Variants in RBFOX1 observed in about 807,000 individuals in gnomAD.
The protein encoded by RBFOX1 is RNA binding fox-1 homolog 1.
RBFOX1 carries 8 observed loss-of-function variants against 57.7 expected under a neutral mutation model. The observed-to-expected ratio is 0.14, with a 90% CI of 0.08 to 0.25. RBFOX1 has a LOEUF of 0.25. Among genes scored for constraint, RBFOX1 ranks in the 10% least tolerant of loss-of-function variants. The probability of loss-of-function intolerance (pLI) is 1.00; values close to 1 mark genes in which losing one functional copy is unlikely to be tolerated. For missense variants in RBFOX1, 611 were observed against 548.5 expected, an observed-to-expected ratio of 1.11 and a Z score of -1.14; for synonymous variants, 326 against 222.4, an observed-to-expected ratio of 1.47 and a Z score of -4.15.
intron 1 of RBFOX1, among the ~76,000 whole-genome samples, chr16:5,386,195 G>C (rs1211976010): frequency 2.0e-5 from 3 of 151,760 alleles, no homozygotes; most frequent in Admixed American, 2.0e-4. Context: ...AAGAAAATAG[G>C]AACTAAAATT....
At chr16:5,434,685 T>C (rs1226671981) in intron 1 of RBFOX1, among the ~76,000 whole-genome samples, 1 of 152,224 alleles carries the variant, frequency 6.6e-6, no homozygotes, top group East Asian at 1.9e-4. Context: ...GTTATCTGTT[T>C]AAAATCCTGC....
intron 3 of RBFOX1, among the ~76,000 whole-genome samples, chr16:6,700,997 A>T (rs1199424608): frequency 6.6e-6 from 1 of 151,826 alleles, no homozygotes; most frequent in Admixed American, 6.6e-5. Flanking sequence ...AGGGATCCAT[A>T]CCAGTAAAAG....
chr16:7,566,405 G>T (rs1305717302), intron 5 of RBFOX1, among the ~76,000 whole-genome samples: 1 of 152,042 alleles, frequency 6.6e-6, no homozygotes, highest in Non-Finnish European at 1.5e-5. Context: ...GCTGCTCTAC[G>T]TGCCTGCTCT....
At chr16:6,978,310 T>C (rs901931333) in intron 3 of RBFOX1, among the ~76,000 whole-genome samples, 18 of 152,232 alleles carry the variant, frequency 1.2e-4, no homozygotes, top group Non-Finnish European at 2.4e-4. Flanking sequence ...ATGCAAGAAA[T>C]TGGGATTCTT....
chr16:7,412,805 G>A (rs1597799392), intron 4 of RBFOX1, among the ~76,000 whole-genome samples: 1 of 152,184 alleles, frequency 6.6e-6, no homozygotes, highest in Admixed American at 6.5e-5. Context: ...AGCTCTGGGA[G>A]GCCGAGGCAG....
chr16:6,588,270 A>G (rs1316797995), intron 2 of RBFOX1, among the ~76,000 whole-genome samples: 1 of 151,958 alleles, frequency 6.6e-6, no homozygotes. Context: ...ATACAGCCAC[A>G]AAACAATTCT....
chr16:7,221,558 G>T (rs530714575), intron 4 of RBFOX1, among the ~76,000 whole-genome samples: 3 of 151,984 alleles, frequency 2.0e-5, no homozygotes, highest in Non-Finnish European at 4.4e-5. Context: ...GTAGAGAAGG[G>T]GTCGCACCAT....
At chr16:5,542,120 G>A (rs74840537) in intron 2 of RBFOX1, among the ~76,000 whole-genome samples, 2,504 of 152,180 alleles carry the variant, frequency 0.016, 79 homozygotes, top group African/African-American at 0.057. Context: ...GATGGTAGCC[G>A]TCAGGTCCAG....
chr16:6,418,535 T>TTG (rs2093688780), intron 2 of RBFOX1, among the ~76,000 whole-genome samples: 1 of 146,670 alleles, frequency 6.8e-6, no homozygotes, highest in African/African-American at 2.6e-5. Flanking sequence ...TTTTTTTTTT[T>TTG]TTTTTTTTGA....
At chr16:7,379,673 C>G (rs1228725902) in intron 4 of RBFOX1, among the ~76,000 whole-genome samples, 3 of 151,988 alleles carry the variant, frequency 2.0e-5, no homozygotes, top group Admixed American at 1.3e-4. Context: ...GGTATTTAGC[C>G]ACACTGAAAT....
intron 1 of RBFOX1, among the ~76,000 whole-genome samples, chr16:6,269,981 C>T (rs1392505682): frequency 6.6e-6 from 1 of 151,968 alleles, no homozygotes; most frequent in African/African-American, 2.4e-5. Context: ...GTTAAGATTT[C>T]CACACTTCAT....
chr16:7,531,460 A>G (rs1035521103), intron 5 of RBFOX1, among the ~76,000 whole-genome samples: 2 of 152,198 alleles, frequency 1.3e-5, no homozygotes, highest in African/African-American at 4.8e-5. Flanking sequence ...TATGGCCTAG[A>G]TGAGAAAACC....
At chr16:6,966,785 A>ATCTGTCTGTCTG (rs1188405696) in intron 3 of RBFOX1, among the ~76,000 whole-genome samples, 16 of 53,988 alleles carry the variant, frequency 3.0e-4, no homozygotes, top group African/African-American at 6.8e-4. Context: ...CTATCTATCT[A>ATCTGTCTGTCTG]TCTATCTGTC....
chr16:7,092,704 A>G (rs2061061410), intron 4 of RBFOX1, among the ~76,000 whole-genome samples: 1 of 152,210 alleles, frequency 6.6e-6, no homozygotes, highest in Non-Finnish European at 1.5e-5. Flanking sequence ...TGGGGGACGC[A>G]CAGTTAAGTT....
intron 2 of RBFOX1, among the ~76,000 whole-genome samples, chr16:6,403,696 G>T (rs1301746929): frequency 6.6e-6 from 1 of 151,992 alleles, no homozygotes; most frequent in African/African-American, 2.4e-5. Flanking sequence ...TCTAATTATT[G>T]GACCCTCAAG....
intron 4 of RBFOX1, among the ~76,000 whole-genome samples, chr16:7,281,201 C>G (rs1007055606): frequency 2.0e-5 from 3 of 151,864 alleles, no homozygotes; most frequent in Non-Finnish European, 4.4e-5. Flanking sequence ...TGGGGCTTCA[C>G]TGTGTTGGCC....
intron 14 of RBFOX1, among the ~76,000 whole-genome samples, chr16:7,692,136 C>T (rs1470940716): frequency 1.3e-5 from 2 of 152,078 alleles, no homozygotes; most frequent in Non-Finnish European, 2.9e-5. Context: ...TGTCAAAAAG[C>T]CCAAAATCTT....
At chr16:7,706,312 C>G (rs1870290439) in intron 14 of RBFOX1, among the ~76,000 whole-genome samples, 1 of 151,990 alleles carries the variant, frequency 6.6e-6, no homozygotes, top group Non-Finnish European at 1.5e-5. Flanking sequence ...TAGAGGTCAC[C>G]CTGAAGAGAA....
chr16:5,470,882 G>A (rs986196713), intron 2 of RBFOX1, among the ~76,000 whole-genome samples: 1 of 151,890 alleles, frequency 6.6e-6, no homozygotes, highest in African/African-American at 2.4e-5. Flanking sequence ...ACGGAGTTTC[G>A]CTCTCGTCAC....
Sources: gnomAD v4.1 joint callset for allele counts (sites outside exome capture counted in the v4.1 genomes callset) on GRCh38, gnomAD v4.1.1 for gene constraint, MANE v1.5 for transcripts, NCBI Gene and HGNC (gene_info 2026-07-23, HGNC 2026-07-21) for gene names.